KIF2A: variants seen among roughly 807,000 people sequenced by gnomAD.
The protein encoded by KIF2A is kinesin-like protein KIF2A.
In KIF2A, 22 loss-of-function variants were observed where a neutral mutation model predicts 100.2. The observed-to-expected ratio is 0.22, with a 90% CI of 0.16 to 0.31. The LOEUF is 0.31. KIF2A is among the 10% of genes least tolerant of loss of function. The pLI is 1.00. For synonymous variants in KIF2A, 268 were observed against 285.9 expected, an observed-to-expected ratio of 0.94 and a Z score of 0.63; for missense variants, 495 against 898.7, an observed-to-expected ratio of 0.55 and a Z score of 5.74.
chr5:62,360,176 GA>G (rs150451653), intron 9 of KIF2A, among the ~76,000 whole-genome samples: 28,815 of 151,294 alleles, frequency 0.19, 2,940 homozygotes, highest in East Asian at 0.39. Context: ...TTTTAGTAGA[GA>G]CGGGGTTTCA....
chr5:62,370,386 G>A (rs757497440), intron 16 of KIF2A, among the ~76,000 whole-genome samples: 86 of 152,056 alleles, frequency 5.7e-4, no homozygotes, highest in Non-Finnish European at 1.0e-3. Flanking sequence ...CTCTGACTCC[G>A]GGGTTCAAGC....
rs770820409 is a variant in KIF2A, at chr5:62,385,464, CT to C, written c.2150-17del. The C allele has an allele frequency of 6.5e-7, 1 of 1,531,410 alleles. No individual in the cohort carries two copies. Among genetic ancestry groups the C allele is most frequent in the Non-Finnish European group, 8.9e-7 (1 of 1,126,264 alleles). 94.9% of individuals were successfully genotyped at this position (1,531,410 alleles called of 1,614,324 possible). A position where few individuals can be genotyped will look rare whatever the true frequency, so the allele number is the denominator to read the frequency against. On this transcript the variant is annotated intron_variant, in intron 20 of 20. Coordinates refer to ENST00000407818, the MANE Select transcript of KIF2A (RefSeq NM_001098511.3). The stretch of plus-strand genomic sequence containing the variant: ...GCGTGTAATACAATACTTATTCCCT[CT>C]TTCTTTTCTTTTTCCAAGATAAAGT...
At chr5:62,346,232 C>A (rs1001239654) in intron 1 of KIF2A, among the ~76,000 whole-genome samples, 6 of 151,776 alleles carry the variant, frequency 4.0e-5, no homozygotes, top group Admixed American at 1.3e-4. Flanking sequence ...TATATAATAT[C>A]TTCTCTCTAC....
intron 20 of KIF2A, among the ~76,000 whole-genome samples, chr5:62,383,229 A>ATTTTTTTT (rs70977902): frequency 1.5e-4 from 6 of 39,100 alleles, no homozygotes; most frequent in African/African-American, 6.9e-4. Flanking sequence ...GCCTGGCCAG[A>ATTTTTTTT]TTTTTTTTTT....
intron 16 of KIF2A, among the ~76,000 whole-genome samples, chr5:62,371,704 C>A (rs1443892204): frequency 6.6e-6 from 1 of 152,072 alleles, no homozygotes; most frequent in Non-Finnish European, 1.5e-5. Context: ...ACCTGACATA[C>A]AGGAGGTACT....
rs1741370550 is a variant in KIF2A, at chr5:62,372,518, A to G, written c.1727A>G (p.Tyr576Cys). 3 of 1,611,096 alleles carry G rather than the reference A, an allele frequency of 1.9e-6. No individual in the cohort carries two copies. The East Asian group carries it at 6.7e-5, about 36-fold the overall frequency. ...SGSRPDLSPS[Y>C]EYDDFSPSVT... ...AGTCGCCCTGATCTCTCTCCTTCTT[A>G]TGAATATGACGACTTTTCTCCTTCA... The change falls in exon 17 of 21, where the codon TAT becomes TGT. Residue 576 changes from tyrosine (Y) to cysteine (C), a missense_variant. This residue lies in a region of KIF2A where 100 missense variants were observed against 138.2 expected (regional missense o/e 0.72). Transcript: ENST00000407818.
chr5:62,352,318 A>C (rs1747894791), intron 4 of KIF2A, among the ~76,000 whole-genome samples: 1 of 152,022 alleles, frequency 6.6e-6, no homozygotes, highest in Non-Finnish European at 1.5e-5. Flanking sequence ...CTTTTATGTA[A>C]ATTATTTAGA....
chr5:62,333,984 T>C (rs1746786323), intron 1 of KIF2A, among the ~76,000 whole-genome samples: 1 of 152,138 alleles, frequency 6.6e-6, no homozygotes, highest in Admixed American at 6.5e-5. Context: ...AGCCATGGGA[T>C]ACTTAGAAGC....
chr5:62,353,504 A>G, intron 6 of KIF2A, 129 bp downstream of exon 6: 3 of 466,430 alleles, frequency 6.4e-6, no homozygotes, highest in Non-Finnish European at 1.2e-5. Flanking sequence ...CCTTAAATTG[A>G]TATTGAGGAA....
intron 16 of KIF2A, among the ~76,000 whole-genome samples, chr5:62,369,705 A>G (rs989735289): frequency 1.3e-5 from 2 of 151,704 alleles, no homozygotes; most frequent in African/African-American, 4.9e-5. Flanking sequence ...AAAATAATTC[A>G]TTCCTCCTTT....
At chr5:62,364,076 T>A (rs182190536) in intron 14 of KIF2A, among the ~76,000 whole-genome samples, 177 bp downstream of exon 14, 5 of 152,302 alleles carry the variant, frequency 3.3e-5, no homozygotes. Context: ...CACACATTCT[T>A]TATTCTTTTT....
intron 1 of KIF2A, among the ~76,000 whole-genome samples, chr5:62,313,793 G>GTA (rs1251677268): frequency 2.0e-5 from 3 of 151,302 alleles, no homozygotes; most frequent in Non-Finnish European, 2.9e-5. Flanking sequence ...AATTGTTTTG[G>GTA]TATCAAAAGG....
chr5:62,355,196 G>A lies in KIF2A; in HGVS notation c.596G>A (p.Cys199Tyr). The A allele has an allele frequency of 6.3e-7, 1 of 1,597,328 alleles. No homozygotes were observed. The highest frequency in any genetic ancestry group is 8.6e-7 in the Non-Finnish European group (1 of 1,166,094). Residue 199 changes from cysteine to tyrosine, a missense_variant, in exon 7 of 21, where the codon TGT (cysteine) becomes TAT (tyrosine). Around this residue, in one of 10 missense-constraint regions of KIF2A, gnomAD observed 109 missense variants for 244.2 expected, o/e 0.45. Coordinates refer to ENST00000407818, the MANE Select transcript of KIF2A (RefSeq NM_001098511.3). Reference protein sequence around the residue: ...DATNPNYEIMCMIRDFRGSLD... With the variant: ...DATNPNYEIMYMIRDFRGSLD... ...ACAAACCCAAATTATGAAATTATGTGTATGATCAGAGACTTTAGAGGAAGT... is the reference window on the plus strand; with the variant it reads ...ACAAACCCAAATTATGAAATTATGTATATGATCAGAGACTTTAGAGGAAGT...
chr5:62,340,665 T>C (rs940925777), intron 1 of KIF2A, among the ~76,000 whole-genome samples: 22 of 152,232 alleles, frequency 1.4e-4, no homozygotes, highest in Non-Finnish European at 2.6e-4. Context: ...CACCATATCA[T>C]GATTTTTTCC....
intron 1 of KIF2A, among the ~76,000 whole-genome samples, chr5:62,340,178 CCACCCACCT>C (rs1197081268): frequency 3.9e-5 from 6 of 152,042 alleles, no homozygotes; most frequent in Non-Finnish European, 7.4e-5. Context: ...CTCTGGTGAT[CCACCCACCT>C]CAGCCTCCCA....
At chr5:62,366,590 G>A (rs575013878) in intron 16 of KIF2A, 109 bp downstream of exon 16, 48 of 628,070 alleles carry the variant, frequency 7.6e-5, no homozygotes, top group Admixed American at 1.2e-4. Flanking sequence ...CTAGCACTTT[G>A]GGAGGCCCAG....
intron 1 of KIF2A, among the ~76,000 whole-genome samples, chr5:62,334,686 G>A (rs536454376): frequency 8.1e-4 from 124 of 152,214 alleles, no homozygotes; most frequent in African/African-American, 2.7e-3. Flanking sequence ...GATGCCAGAA[G>A]GTCGCAACAG....
chr5:62,372,337 C>T (rs1333405436), intron 16 of KIF2A, 101 bp from the exon 17 acceptor site: 7 of 676,770 alleles, frequency 1.0e-5, no homozygotes, highest in Non-Finnish European at 1.8e-5. Context: ...ATATCAATAT[C>T]CTTTTCTAAA....
At chr5:62,371,664 A>G (rs1385738207) in intron 16 of KIF2A, among the ~76,000 whole-genome samples, 1 of 152,222 alleles carries the variant, frequency 6.6e-6, no homozygotes, top group Non-Finnish European at 1.5e-5. Flanking sequence ...GGACTAAATA[A>G]TATAATGCCT....
Sources: allele counts gnomAD v4.1 joint callset (sites outside exome capture counted in the v4.1 genomes callset), GRCh38; gene constraint gnomAD v4.1.1; regional missense constraint gnomAD v4.1.1; transcripts MANE v1.5; gene names NCBI Gene and HGNC (gene_info 2026-07-23, HGNC 2026-07-21).